The following C1QTNF12 variants were observed in gnomAD, a reference collection of about 807,000 sequenced individuals.
C1QTNF12 encodes adipolin.
C1QTNF12 carries 39 observed loss-of-function variants against 34.3 expected under a neutral mutation model. The observed-to-expected ratio is 1.14, with a 90% CI of 0.88 to 1.49. The LOEUF is 1.49. C1QTNF12 is among the 40% of genes most tolerant of loss of function. The pLI is 0.00. For synonymous variants in C1QTNF12, 220 were observed against 196.9 expected, an observed-to-expected ratio of 1.12 and a Z score of -0.98; for missense variants, 497 against 424.7, an observed-to-expected ratio of 1.17 and a Z score of -1.50.
chr1:1,244,476 C>T lies in C1QTNF12; in HGVS notation c.199G>A (p.Glu67Lys). The T allele has an allele frequency of 6.2e-7, 1 of 1,611,782 alleles. No homozygotes were observed. The highest frequency in any genetic ancestry group is 8.5e-7 in the Non-Finnish European group (1 of 1,179,422). The change falls in exon 2 of 8, where the codon GAG (glutamate) becomes AAG (lysine). Residue 67 changes from glutamate to lysine, a missense_variant. Glu to Lys is a moderately conservative substitution (Grantham distance 56). Transcript: ENST00000330388. ...APKPSQASGPEFSDAHMTWLN... is the reference protein window; with the variant it reads ...APKPSQASGPKFSDAHMTWLN... ...CATGTCATGTGGGCGTCGGAGAACT[C>T]AGGTCCTGAGGCCTGGGATGGCTGA...
chr1:1,246,775 C>T (rs1047967734), upstream of C1QTNF12: 3 of 1,008,076 alleles, frequency 3.0e-6, no homozygotes, highest in African/African-American at 1.7e-5. The surrounding 1 kb of genome is among the most constrained non-coding windows in gnomAD (Gnocchi z 4.5). Flanking sequence ...AGCCCCCGCG[C>T]GGGGGCGAGG....
At position 1,246,550 on chromosome 1, in the gene C1QTNF12, G is replaced by A. The variant is rs1638896262; in HGVS notation, c.141C>T (p.Ser47=). The A allele has an allele frequency of 8.1e-7, 1 of 1,239,828 alleles. No individual in the cohort carries two copies. Among genetic ancestry groups the A allele is most frequent in the East Asian group, 3.2e-5 (1 of 31,664 alleles). 76.8% of individuals were successfully genotyped at this position (1,239,828 alleles called of 1,614,324 possible). A position where few individuals can be genotyped will look rare whatever the true frequency, so the allele number is the denominator to read the frequency against. ...QRADPPNATA[S]ASSREGLPEA... ...CGGGCAGCCCCTCGCGGGAGGACGC[G>A]CTGGCGGTGGCGTTGGGGGGATCTG... is the stretch of plus-strand genomic sequence containing the variant. Residue 47 remains serine, a synonymous_variant, in exon 1 of 8, where the codon AGC becomes AGT. Coordinates refer to ENST00000330388, the MANE Select transcript of C1QTNF12 (RefSeq NM_001014980.3). This position sits in a 1 kb window ranked among gnomAD's most constrained non-coding sequence, Gnocchi z 4.5.
In C1QTNF12 at chr1:1,246,644, T is replaced by G; in HGVS notation, c.47A>C (p.Gln16Pro). 2 of 1,235,122 alleles carry G rather than the reference T, an allele frequency of 1.6e-6. No homozygotes were observed. Among genetic ancestry groups the G allele is most frequent in the African/African-American group, 3.1e-5 (2 of 64,252 alleles). The allele number at this position is 1,235,122 out of a possible 1,614,324, so 76.5% of individuals were successfully genotyped here. ...WAAVVVLLGPQLVLLGGVGAR... is the reference protein window; with the variant it reads ...WAAVVVLLGPPLVLLGGVGAR... ...CCCGACGCCCCCGAGGAGCACGAGC[T>G]GCGGCCCGAGGAGGACCACGACCGC... Residue 16 changes from glutamine to proline, a missense_variant, in exon 1 of 8, where the codon CAG (glutamine) becomes CCG (proline). Gln to Pro is a moderately conservative substitution (Grantham distance 76). Transcript: ENST00000330388. The surrounding 1 kb of genome is among the most constrained non-coding windows in gnomAD (Gnocchi z 4.5).
chr1:1,244,507 C>T lies in C1QTNF12; in HGVS notation c.178-10G>A, dbSNP rs536206555. ...CTGAGGCCTGGGATGGCTGAAGGGA[C>T]GGGACGGGGCTAGCGCACTGAGGCT... On this transcript the variant is annotated splice_polypyrimidine_tract_variant and intron_variant, in intron 1 of 7. Coordinates refer to ENST00000330388, the MANE Select transcript of C1QTNF12 (RefSeq NM_001014980.3). 117 of 1,592,236 alleles carry T rather than the reference C, an allele frequency of 7.3e-5. No individual in the cohort carries two copies. The highest frequency in any genetic ancestry group is 1.7e-4 in the Middle Eastern group (1 of 5,964).
At chr1:1,242,736 C>T in intron 7 of C1QTNF12, 90 bp from the exon 8 acceptor site, 1 of 1,553,244 alleles carries the variant, frequency 6.4e-7, no homozygotes, top group South Asian at 1.1e-5. Flanking sequence ...CTAGGAGGTG[C>T]CGAGGCCCCA....
chr1:1,244,111 G>A lies in C1QTNF12; in HGVS notation c.380-6C>T, dbSNP rs757035054. 6 of 1,574,436 alleles carry A rather than the reference G, an allele frequency of 3.8e-6. No homozygotes were observed. The South Asian group carries it at 7.1e-5, about 19-fold the overall frequency. The stretch of plus-strand genomic sequence containing the variant: ...GAACCGGCGCTCCGTGGCCTCTGTG[G>A]GGAGGAGGGCACAGGCGGCCAGCAG... On this transcript the variant is annotated splice_polypyrimidine_tract_variant and splice_region_variant and intron_variant, in intron 3 of 7. Coordinates refer to ENST00000330388, the MANE Select transcript of C1QTNF12 (RefSeq NM_001014980.3).
In C1QTNF12 at chr1:1,246,285, A is replaced by C. The variant is rs1041815545; in HGVS notation, c.177+229T>G. 2.0e-5 allele frequency among the ~76,000 whole-genome samples: 3 copies of C among 149,360 alleles called. No homozygotes were observed. The highest frequency in any genetic ancestry group is 2.0e-4 in the East Asian group (1 of 4,988). ...CGCGGGAAGCCCCCTTCACCCACCC[A>C]CCCCAGGCCAGCTGGGGGCCAGGTC... On this transcript the variant is annotated intron_variant, in intron 1 of 7. Transcript: ENST00000330388. The surrounding 1 kb of genome is among the most constrained non-coding windows in gnomAD (Gnocchi z 4.5).
Position 1,243,483 on chromosome 1 carries a change from C to T in C1QTNF12, c.601G>A (p.Val201Met), listed in dbSNP as rs571598428. ...SLASGRFTAP[V>M]SGIFQFSASL... ...GCAGAGAACTGGAAGATGCCGGACA[C>T]GGGGGCCGTGAACCGACCCGAGGCC... The change falls in exon 5 of 8, where the codon GTG becomes ATG. Residue 201 changes from valine to methionine, a missense_variant. Coordinates refer to ENST00000330388, the MANE Select transcript of C1QTNF12 (RefSeq NM_001014980.3). 1.7e-5 allele frequency: 27 copies of T among 1,560,240 alleles called. No individual in the cohort carries two copies. The East Asian group carries it at 4.6e-4, about 26-fold the overall frequency.
At chr1:1,243,393 A>G in intron 5 of C1QTNF12, 51 bp downstream of exon 5, 2 of 1,497,976 alleles carry the variant, frequency 1.3e-6, no homozygotes, top group East Asian at 2.5e-5. Flanking sequence ...GCCCCCAGAA[A>G]GCTCAGCCCC....
upstream of C1QTNF12, chr1:1,246,756 G>A (rs1432091112): frequency 1.9e-5 from 22 of 1,153,866 alleles, no homozygotes; most frequent in Non-Finnish European, 2.2e-5. This position sits in a 1 kb window ranked among gnomAD's most constrained non-coding sequence, Gnocchi z 4.5. Flanking sequence ...GGGGACGGCC[G>A]GCGCTCAGAG....
At position 1,246,256 on chromosome 1, in the gene C1QTNF12, C is replaced by T. The variant is rs1201321750; in HGVS notation, c.177+258G>A. Among the ~76,000 whole-genome samples, 1 of 152,022 alleles carries T rather than the reference C, an allele frequency of 6.6e-6. No homozygotes were observed. The highest frequency in any genetic ancestry group is 1.5e-5 in the Non-Finnish European group (1 of 67,978). ...GCTTCAAAGGGTTAACTGCGGCCCC[C>T]AACCGCGGGAAGCCCCCTTCACCCA... On this transcript the variant is annotated intron_variant, in intron 1 of 7. Transcript: ENST00000330388. This position sits in a 1 kb window ranked among gnomAD's most constrained non-coding sequence, Gnocchi z 4.5.
intron 1 of C1QTNF12, 81 bp from the exon 2 acceptor site, chr1:1,244,578 G>A: frequency 9.0e-7 from 1 of 1,107,738 alleles, no homozygotes; most frequent in Non-Finnish European, 1.4e-6. Context: ...GGAGCACTCA[G>A]GGCAGAACCA....
intron 1 of C1QTNF12, 72 bp from the exon 2 acceptor site, chr1:1,244,569 G>C: frequency 8.4e-7 from 1 of 1,186,500 alleles, no homozygotes; most frequent in Non-Finnish European, 1.3e-6. Flanking sequence ...GGGCAGCGGG[G>C]AGCACTCAGG....
At position 1,246,671 on chromosome 1, in the gene C1QTNF12, G is replaced by T. The variant is rs1490258809; in HGVS notation, c.20C>A (p.Ala7Asp). Residue 7 changes from alanine to aspartate, a missense_variant, in exon 1 of 8, where the codon GCC becomes GAC. Transcript: ENST00000330388. This position sits in a 1 kb window ranked among gnomAD's most constrained non-coding sequence, Gnocchi z 4.5. Reference protein sequence around the residue: MRRWAWAAVVVLLGPQL... With the variant: MRRWAWDAVVVLLGPQL... Reference sequence around the variant, plus strand: ...CGGCCCGAGGAGGACCACGACCGCGGCCCAGGCCCAGCGCCGCATGGCTCC... The same window carrying T: ...CGGCCCGAGGAGGACCACGACCGCGTCCCAGGCCCAGCGCCGCATGGCTCC... 3 of 1,226,874 alleles carry T rather than the reference G, an allele frequency of 2.4e-6. No individual in the cohort carries two copies. In the South Asian group the frequency reaches 1.2e-4, roughly 49 times the overall value. 76.0% of individuals were successfully genotyped at this position (1,226,874 alleles called of 1,614,324 possible). A position where few individuals can be genotyped will look rare whatever the true frequency, so the allele number is the denominator to read the frequency against.
Position 1,242,658 on chromosome 1 carries a change from A to C in C1QTNF12, c.811-12T>G. The C allele has an allele frequency of 1.3e-6, 2 of 1,583,524 alleles. No individual in the cohort carries two copies. Among genetic ancestry groups the C allele is most frequent in the Non-Finnish European group, 1.7e-6 (2 of 1,165,254 alleles). ...GCGTACTGTCCAGCCTGTAAGAAGCACGGGGACGTCACAACCGCAGCCACA... is the reference window on the plus strand; with the variant it reads ...GCGTACTGTCCAGCCTGTAAGAAGCCCGGGGACGTCACAACCGCAGCCACA... On this transcript the variant is annotated splice_polypyrimidine_tract_variant and intron_variant, in intron 7 of 7. Coordinates refer to ENST00000330388, the MANE Select transcript of C1QTNF12 (RefSeq NM_001014980.3).
chr1:1,243,288 C>A (rs915534111), intron 5 of C1QTNF12, 136 bp from the exon 6 acceptor site: 62 of 986,698 alleles, frequency 6.3e-5, no homozygotes, highest in South Asian at 4.3e-4. Flanking sequence ...TGAGGCCAGG[C>A]GTGCAGCAGG....
chr1:1,243,283 C>T, intron 5 of C1QTNF12, 131 bp from the exon 6 acceptor site: 1 of 994,442 alleles, frequency 1.0e-6, no homozygotes, highest in South Asian at 1.6e-5. Flanking sequence ...GCGCCTGAGG[C>T]CAGGCGTGCA....
chr1:1,247,012 C>A (rs983607813), upstream of C1QTNF12, among the ~76,000 whole-genome samples: 49 of 151,922 alleles, frequency 3.2e-4, 1 homozygote, highest in Non-Finnish European at 3.4e-4. Flanking sequence ...ATCAGCCAGC[C>A]GCCCGGGCGC....
Position 1,242,607 on chromosome 1 carries a change from C to T in C1QTNF12, c.850G>A (p.Gly284Arg), listed in dbSNP as rs764181658. ...YASVFVDNGS[G>R]AVLTIQAGSS... ...CCCGCCTGGATGGTGAGGACGGCCC[C>T]GGAGCCATTGTCCACAAACACAGAA... The change falls in exon 8 of 8, where the codon GGG (glycine) becomes AGG (arginine). Residue 284 changes from glycine (G) to arginine (R), a missense_variant. Gly to Arg is a moderately radical substitution (Grantham distance 125, BLOSUM62 -2). Transcript: ENST00000330388. 27 of 1,594,960 alleles carry T rather than the reference C, an allele frequency of 1.7e-5. No individual in the cohort carries two copies. Among genetic ancestry groups the T allele is most frequent in the South Asian group, 1.6e-4 (14 of 88,478 alleles).
Sources: gnomAD v4.1 joint callset for allele counts (sites outside exome capture counted in the v4.1 genomes callset) on GRCh38, gnomAD v4.1.1 for gene constraint, Gnocchi (gnomAD v3.1) non-coding constraint, MANE v1.5 for transcripts, NCBI Gene and HGNC (gene_info 2026-07-23, HGNC 2026-07-21) for gene names.